The following CERS4 variants were observed in gnomAD, a reference collection of about 807,000 sequenced individuals.
CERS4 encodes LAG1 homolog, ceramide synthase 4.
Under a neutral mutation model 51.8 loss-of-function variants are expected in CERS4, and 65 were observed. The observed-to-expected ratio is 1.26, with a 90% CI of 1.03 to 1.54. The LOEUF is 1.54. CERS4 is among the 40% of genes most tolerant of loss of function. The pLI is 0.00. For synonymous variants in CERS4, 228 were observed against 208.4 expected, an observed-to-expected ratio of 1.09 and a Z score of -0.81; for missense variants, 563 against 500.4, an observed-to-expected ratio of 1.13 and a Z score of -1.19.
intron 10 of CERS4, among the ~76,000 whole-genome samples, chr19:8,258,361 G>A (rs1404565725): frequency 6.6e-6 from 1 of 152,184 alleles, no homozygotes; most frequent in Non-Finnish European, 1.5e-5. Context: ...GATGGTAAGT[G>A]AGGCAGCCAC....
At chr19:8,250,039 A>G (rs1199193161) in intron 2 of CERS4, among the ~76,000 whole-genome samples, 1 of 151,622 alleles carries the variant, frequency 6.6e-6, no homozygotes, top group Non-Finnish European at 1.5e-5. Flanking sequence ...CAGTGGCATG[A>G]TCTCGGCTCA....
intron 2 of CERS4, among the ~76,000 whole-genome samples, chr19:8,232,496 TGGTCAG>T (rs1456599544): frequency 6.6e-6 from 1 of 151,994 alleles, no homozygotes; most frequent in Non-Finnish European, 1.5e-5. Context: ...TTCTCCATGT[TGGTCAG>T]GCTGATCTCG....
At chr19:8,240,865 C>T (rs1968509519) in intron 2 of CERS4, among the ~76,000 whole-genome samples, 1 of 152,098 alleles carries the variant, frequency 6.6e-6, no homozygotes, top group African/African-American at 2.4e-5. Flanking sequence ...CCTCCCGTGT[C>T]AGTACAAAGC....
chr19:8,241,838 G>C (rs959633181), intron 2 of CERS4, among the ~76,000 whole-genome samples: 3 of 152,132 alleles, frequency 2.0e-5, no homozygotes, highest in African/African-American at 7.2e-5. Context: ...AACAAGGAGG[G>C]AATCTAGCTG....
chr19:8,254,882 C>A (rs902461449), intron 4 of CERS4, among the ~76,000 whole-genome samples: 4 of 151,964 alleles, frequency 2.6e-5, no homozygotes, highest in Non-Finnish European at 4.4e-5. Flanking sequence ...AGGACCCCCC[C>A]CTTCCCAGCC....
intron 2 of CERS4, among the ~76,000 whole-genome samples, chr19:8,234,178 T>C: frequency 6.6e-6 from 1 of 151,910 alleles, no homozygotes; most frequent in East Asian, 1.9e-4. Context: ...TGGTGGCAGG[T>C]GCCTGTAGTC....
chr19:8,227,458 C>A (rs1967834710), intron 2 of CERS4, among the ~76,000 whole-genome samples: 1 of 151,928 alleles, frequency 6.6e-6, no homozygotes, highest in Non-Finnish European at 1.5e-5. Flanking sequence ...CCTCAGCCTT[C>A]CAAGTATCTG....
chr19:8,224,628 G>A (rs1183893579), intron 2 of CERS4, among the ~76,000 whole-genome samples: 2 of 152,122 alleles, frequency 1.3e-5, no homozygotes, highest in Non-Finnish European at 2.9e-5. Flanking sequence ...CATTTGCTGG[G>A]GAGCACCGTG....
chr19:8,219,895 A>G (rs1274190531), intron 2 of CERS4, among the ~76,000 whole-genome samples: 1 of 150,578 alleles, frequency 6.6e-6, no homozygotes, highest in Non-Finnish European at 1.5e-5. Context: ...AGGCAGGGGG[A>G]TCATTTGAAC....
intron 2 of CERS4, among the ~76,000 whole-genome samples, chr19:8,243,452 T>C (rs1231974177): frequency 1.3e-5 from 2 of 152,096 alleles, no homozygotes; most frequent in Admixed American, 6.6e-5. Flanking sequence ...CTGTCTGGGA[T>C]GCCTGGGCCT....
chr19:8,261,547 G>A (rs1390181807), intron 10 of CERS4, 141 bp from the exon 11 acceptor site: 2 of 934,530 alleles, frequency 2.1e-6, no homozygotes, highest in African/African-American at 1.6e-5. Flanking sequence ...GCTCAAGAGT[G>A]TTAGGTATCA....
At chr19:8,232,379 C>T (rs1968049498) in intron 2 of CERS4, among the ~76,000 whole-genome samples, 1 of 152,054 alleles carries the variant, frequency 6.6e-6, no homozygotes, top group African/African-American at 2.4e-5. Context: ...CAACCTCTGC[C>T]TTCCAGGTTT....
rs536303487 is a variant in CERS4, at chr19:8,252,025, G to C, written c.173+776G>C. On this transcript the variant is annotated intron_variant, in intron 3 of 11. Coordinates refer to ENST00000251363, the MANE Select transcript of CERS4 (RefSeq NM_024552.3). ...GTGGATCACTTGAGTCCAGGAGTTC[G>C]AGACCAGACTGCGCAACATGGTGAA... Among the ~76,000 whole-genome samples, 18 of 151,134 alleles carry C rather than the reference G, an allele frequency of 1.2e-4. 1 individual carries two copies. The highest frequency in any genetic ancestry group is 4.0e-4 in the Admixed American group (6 of 15,098).
At chr19:8,220,017 T>TA (rs916958829) in intron 2 of CERS4, among the ~76,000 whole-genome samples, 2 of 151,550 alleles carry the variant, frequency 1.3e-5, no homozygotes, top group African/African-American at 4.9e-5. Context: ...AGTGGATACA[T>TA]ACCTGGGGAC....
At chr19:8,212,563 C>G (rs1239835529) in intron 2 of CERS4, among the ~76,000 whole-genome samples, 1 of 151,932 alleles carries the variant, frequency 6.6e-6, no homozygotes, top group Non-Finnish European at 1.5e-5. Context: ...GGAGCTGGGG[C>G]TGTCATAGGA....
intron 2 of CERS4, among the ~76,000 whole-genome samples, chr19:8,249,039 G>T (rs1968929838): frequency 6.6e-6 from 1 of 150,742 alleles, no homozygotes; most frequent in Non-Finnish European, 1.5e-5. Flanking sequence ...ATGGATGATG[G>T]GTAGATGAGT....
chr19:8,251,212 G>A lies in CERS4; in HGVS notation c.136G>A (p.Ala46Thr), dbSNP rs1161870549. The A allele has an allele frequency of 1.4e-5, 22 of 1,611,492 alleles. No individual in the cohort carries two copies. The highest frequency in any genetic ancestry group is 1.7e-5 in the Non-Finnish European group (20 of 1,179,008). ...GGACTTGTTGGCAGCCCTGCCCCTG[G>A]CGCTGGTCCTCCTGGCCATGCGCCT... ...PQDLLAALPL[A>T]LVLLAMRLAF... is the part of the protein sequence containing the mutation. The change falls in exon 3 of 12, where the codon GCG becomes ACG. Residue 46 changes from alanine (A) to threonine (T), a missense_variant. By Grantham distance (58) the Ala-to-Thr change is moderately conservative. Coordinates refer to ENST00000251363, the MANE Select transcript of CERS4 (RefSeq NM_024552.3).
At chr19:8,239,125 G>T (rs988330407) in intron 2 of CERS4, among the ~76,000 whole-genome samples, 1 of 151,776 alleles carries the variant, frequency 6.6e-6, no homozygotes, top group Non-Finnish European at 1.5e-5. Context: ...ATTGTGGCCA[G>T]GTGTGGTGGC....
intron 2 of CERS4, among the ~76,000 whole-genome samples, chr19:8,247,425 CATCTT>C (rs1343019096): frequency 1.3e-5 from 2 of 152,050 alleles, no homozygotes; most frequent in Non-Finnish European, 2.9e-5. Flanking sequence ...ACAACCTTCT[CATCTT>C]TTTTTTTCTC....
Sources: gnomAD v4.1 joint callset for allele counts (sites outside exome capture counted in the v4.1 genomes callset) on GRCh38, gnomAD v4.1.1 for gene constraint, MANE v1.5 for transcripts, NCBI Gene and HGNC (gene_info 2026-07-23, HGNC 2026-07-21) for gene names.